The following TRPM3 variants were observed in gnomAD, a reference collection of about 807,000 sequenced individuals.
The protein encoded by TRPM3 is transient receptor potential cation channel subfamily M member 3.
Under a neutral mutation model 181.2 loss-of-function variants are expected in TRPM3, and 77 were observed. The observed-to-expected ratio is 0.42, with a 90% CI of 0.35 to 0.51. The LOEUF is 0.51. Ranked by LOEUF, TRPM3 falls within the 20% of genes least tolerant of loss-of-function variation. TRPM3 has a pLI of 0.01. For missense variants in TRPM3, 1,759 were observed against 2,196.7 expected, an observed-to-expected ratio of 0.80 and a Z score of 3.98; for synonymous variants, 745 against 796.4, an observed-to-expected ratio of 0.94 and a Z score of 1.09.
intron 1 of TRPM3, among the ~76,000 whole-genome samples, chr9:71,254,516 A>G (rs2082554220): frequency 2.0e-5 from 3 of 152,264 alleles, no homozygotes; most frequent in African/African-American, 7.2e-5. Flanking sequence ...TAAGTATGTG[A>G]GTAATGCATA....
intron 1 of TRPM3, among the ~76,000 whole-genome samples, chr9:71,175,382 A>G (rs139545014): frequency 6.6e-6 from 1 of 152,296 alleles, no homozygotes; most frequent in Non-Finnish European, 1.5e-5. Context: ...TCCAAGGATT[A>G]TCAGTGCATA....
chr9:71,010,484 C>A lies in TRPM3; in HGVS notation c.177+110694G>T, dbSNP rs751612966. 2.6e-5 allele frequency among the ~76,000 whole-genome samples: 4 copies of A among 152,070 alleles called. No homozygotes were observed. The South Asian group carries it at 8.3e-4, about 32-fold the overall frequency. On this transcript the variant is annotated intron_variant, in intron 1 of 25. Coordinates refer to ENST00000677713, the MANE Select transcript of TRPM3 (RefSeq NM_001366145.2). ...ACCTGACTAGACATATCTGAAAAGA[C>A]GACAACAAATAGCTAACAGGTACAT...
chr9:71,227,989 C>T (rs1352790701), intron 1 of TRPM3, among the ~76,000 whole-genome samples: 1 of 152,124 alleles, frequency 6.6e-6, no homozygotes, highest in African/African-American at 2.4e-5. Flanking sequence ...TTCTATGAGG[C>T]CAGTATTACC....
chr9:70,752,948 A>G (rs2135117903), intron 8 of TRPM3, among the ~76,000 whole-genome samples: 1 of 152,192 alleles, frequency 6.6e-6, no homozygotes, highest in East Asian at 1.9e-4. Flanking sequence ...CATCTCTACT[A>G]AAAGTACAAA....
At chr9:70,998,731 A>G (rs1377782910) in intron 1 of TRPM3, among the ~76,000 whole-genome samples, 3 of 152,040 alleles carry the variant, frequency 2.0e-5, no homozygotes. Flanking sequence ...CATTATTCCC[A>G]TGAGAGGGAT....
chr9:71,063,758 T>C (rs2061589588), intron 1 of TRPM3, among the ~76,000 whole-genome samples: 1 of 152,106 alleles, frequency 6.6e-6, no homozygotes, highest in South Asian at 2.1e-4. Flanking sequence ...GAATGCAGTA[T>C]AAAAAGACTG....
intron 1 of TRPM3, among the ~76,000 whole-genome samples, chr9:71,319,553 T>C (rs1255967577): frequency 6.6e-6 from 1 of 152,084 alleles, no homozygotes; most frequent in Non-Finnish European, 1.5e-5. Flanking sequence ...AGGGTGAGTC[T>C]CTTTATTCAA....
chr9:70,962,975 T>C (rs1259134851), intron 1 of TRPM3, among the ~76,000 whole-genome samples: 1 of 152,170 alleles, frequency 6.6e-6, no homozygotes, highest in African/African-American at 2.4e-5. Flanking sequence ...TTTTGTAATC[T>C]TTTGAAACAC....
At chr9:71,401,990 GT>G (rs1158089277) in intron 1 of TRPM3, among the ~76,000 whole-genome samples, 1 of 152,176 alleles carries the variant, frequency 6.6e-6, no homozygotes. Context: ...TGTATTATCA[GT>G]GTGTAATCCG....
At chr9:71,006,207 C>A (rs1340596971) in intron 1 of TRPM3, among the ~76,000 whole-genome samples, 1 of 151,992 alleles carries the variant, frequency 6.6e-6, no homozygotes. Context: ...AAATAAGTAG[C>A]ATGAGATCAA....
chr9:70,995,188 C>T (rs1456071816), intron 1 of TRPM3, among the ~76,000 whole-genome samples: 2 of 152,154 alleles, frequency 1.3e-5, no homozygotes, highest in African/African-American at 2.4e-5. Context: ...CAGTATAACA[C>T]GTGGGTGCTG....
At chr9:70,696,135 C>T (rs7856127) in intron 8 of TRPM3, among the ~76,000 whole-genome samples, 55,109 of 152,112 alleles carry the variant, frequency 0.36, 10,245 homozygotes, top group East Asian at 0.46. Context: ...CTCTACATCC[C>T]CTTAACCCAG....
intron 8 of TRPM3, among the ~76,000 whole-genome samples, chr9:70,695,710 G>A (rs7854781): frequency 0.36 from 55,118 of 152,062 alleles, 10,260 homozygotes; most frequent in East Asian, 0.46. Context: ...GTGTACTTAC[G>A]ACATGCTAAA....
intron 1 of TRPM3, among the ~76,000 whole-genome samples, chr9:71,165,102 C>G (rs1000046705): frequency 1.3e-5 from 2 of 152,146 alleles, no homozygotes; most frequent in Non-Finnish European, 2.9e-5. Flanking sequence ...TCAGTATAGA[C>G]CAGCCCCGGA....
chr9:70,762,581 C>T (rs974994666), intron 7 of TRPM3, among the ~76,000 whole-genome samples: 1 of 152,086 alleles, frequency 6.6e-6, no homozygotes, highest in African/African-American at 2.4e-5. Context: ...CTCTCAAGGA[C>T]CAGTGGCAAA....
chr9:70,594,702 C>A (rs902298032), intron 21 of TRPM3, among the ~76,000 whole-genome samples: 1 of 152,124 alleles, frequency 6.6e-6, no homozygotes, highest in Admixed American at 6.5e-5. Context: ...CTCATAGTAC[C>A]AATTTCAAAA....
intron 1 of TRPM3, among the ~76,000 whole-genome samples, chr9:71,410,763 C>T (rs2093531908): frequency 6.6e-6 from 1 of 152,138 alleles, no homozygotes; most frequent in Non-Finnish European, 1.5e-5. Context: ...TTTTATGAGG[C>T]CAGCATCATC....
chr9:71,178,588 G>T (rs962243161), intron 1 of TRPM3, among the ~76,000 whole-genome samples: 1 of 152,028 alleles, frequency 6.6e-6, no homozygotes, highest in African/African-American at 2.4e-5. Flanking sequence ...TTTTTCTACT[G>T]TGGAAACCTC....
chr9:70,556,619 G>T (rs2047777172), intron 22 of TRPM3, among the ~76,000 whole-genome samples: 1 of 152,138 alleles, frequency 6.6e-6, no homozygotes, highest in African/African-American at 2.4e-5. Flanking sequence ...CTACTTGGGA[G>T]GCTGAGGCAG....
Sources: allele counts gnomAD v4.1 joint callset (sites outside exome capture counted in the v4.1 genomes callset), GRCh38; gene constraint gnomAD v4.1.1; transcripts MANE v1.5; gene names NCBI Gene and HGNC (gene_info 2026-07-23, HGNC 2026-07-21).